CNTLN: variants seen among roughly 807,000 people sequenced by gnomAD.
The protein encoded by CNTLN is centlein, also known as centlein, centrosomal protein.
A neutral mutation model predicts 180.0 loss-of-function variants in CNTLN; 212 were observed. The observed-to-expected ratio is 1.18, with a 90% CI of 1.05 to 1.32. CNTLN has a LOEUF of 1.32. Among genes scored for constraint, CNTLN ranks in the 40% most tolerant of loss-of-function variants. The probability of loss-of-function intolerance (pLI) is 0.00; values close to 1 mark genes in which losing one functional copy is unlikely to be tolerated. For missense variants in CNTLN, 2,095 were observed against 1,610.9 expected, an observed-to-expected ratio of 1.30 and a Z score of -5.14; for synonymous variants, 722 against 563.1, an observed-to-expected ratio of 1.28 and a Z score of -3.99.
chr9:17,139,729 C>T (rs761592385), intron 1 of CNTLN, among the ~76,000 whole-genome samples: 17 of 151,916 alleles, frequency 1.1e-4, no homozygotes, highest in Non-Finnish European at 2.2e-4. Flanking sequence ...TTATTTGTGA[C>T]AGTCTCCCTC....
chr9:17,253,761 G>GTTTTTTTTTT (rs60517986), intron 5 of CNTLN, among the ~76,000 whole-genome samples: 1 of 142,688 alleles, frequency 7.0e-6, no homozygotes. Flanking sequence ...CTTTTCTATT[G>GTTTTTTTTTT]TTTTTTTTTT....
intron 5 of CNTLN, among the ~76,000 whole-genome samples, chr9:17,237,068 T>C (rs1825189768): frequency 6.6e-6 from 1 of 152,118 alleles, no homozygotes; most frequent in African/African-American, 2.4e-5. Context: ...TAAAGGGCCT[T>C]ATTTATGGGA....
intron 10 of CNTLN, 43 bp from the exon 11 acceptor site, chr9:17,340,784 C>T (rs750141219): frequency 5.9e-6 from 9 of 1,531,756 alleles, no homozygotes; most frequent in Non-Finnish European, 7.9e-6. Flanking sequence ...TATATTAATA[C>T]TTTCTTCAAA....
rs369802393 is a variant in CNTLN, at chr9:17,394,553, G to A, written c.2099G>A (p.Arg700Gln). Reference sequence around the variant, plus strand: ...CTTTAGGTCACTGAGTTGGAAAATCGGCTGAAATCTTTTGAGAAAAGGTCG... The same window carrying A: ...CTTTAGGTCACTGAGTTGGAAAATCAGCTGAAATCTTTTGAGAAAAGGTCG... ...TLQKVTELEN[R>Q]LKSFEKRSRK... Residue 700 changes from arginine (R) to glutamine (Q), a missense_variant, in exon 15 of 26, where the codon CGG becomes CAG. Coordinates refer to ENST00000380647, the MANE Select transcript of CNTLN (RefSeq NM_017738.4). 23 of 1,577,474 alleles carry A rather than the reference G, an allele frequency of 1.5e-5. No homozygotes were observed. Among genetic ancestry groups the A allele is most frequent in the African/African-American group, 9.7e-5 (7 of 72,516 alleles).
intron 2 of CNTLN, among the ~76,000 whole-genome samples, chr9:17,215,169 C>T (rs1823647429): frequency 6.6e-6 from 1 of 152,090 alleles, no homozygotes; most frequent in African/African-American, 2.4e-5. Flanking sequence ...CTGTTTTTTC[C>T]CCATCTTTGT....
At chr9:17,516,386 AG>A in the CNTLN span, among the ~76,000 whole-genome samples, 1 of 152,228 alleles carries the variant, frequency 6.6e-6, no homozygotes, top group Non-Finnish European at 1.5e-5. Context: ...GATTAACAAG[AG>A]AAAAGCATAA....
At chr9:17,328,409 C>G (rs1460760999) in intron 8 of CNTLN, among the ~76,000 whole-genome samples, 2 of 152,158 alleles carry the variant, frequency 1.3e-5, no homozygotes, top group Non-Finnish European at 2.9e-5. Flanking sequence ...GTAAATCTAG[C>G]AACAGTGGGG....
chr9:17,212,451 G>T (rs931264897), intron 2 of CNTLN, among the ~76,000 whole-genome samples: 1 of 152,172 alleles, frequency 6.6e-6, no homozygotes, highest in African/African-American at 2.4e-5. Flanking sequence ...GCTGGATTTG[G>T]TTTGCCAGTA....
At chr9:17,500,476 C>A (rs963865221) in intron 25 of CNTLN, among the ~76,000 whole-genome samples, 3 of 152,166 alleles carry the variant, frequency 2.0e-5, no homozygotes, top group Non-Finnish European at 4.4e-5. Flanking sequence ...CATTATTACA[C>A]AGGAAATGAT....
Position 17,342,374 on chromosome 9 carries a change from G to C in CNTLN, c.1816G>C (p.Glu606Gln). 1.2e-6 allele frequency: 2 copies of C among 1,612,222 alleles called. No individual in the cohort carries two copies. The highest frequency in any genetic ancestry group is 2.2e-5 in the East Asian group (1 of 44,684). The change falls in exon 12 of 26, where the codon GAA becomes CAA. Residue 606 changes from glutamate to glutamine, a missense_variant. Coordinates refer to ENST00000380647, the MANE Select transcript of CNTLN (RefSeq NM_017738.4). ...KRADPQQLRQ[E>Q]DSDAVWNELA... ...AGCAGATCCCCAACAACTTCGACAA[G>C]AAGATTCTGACGCTGTGTGGAATGA...
rs1825722990 is a variant in CNTLN at position 17,245,119 on chromosome 9, A to G, written c.849+8531A>G. 2.6e-5 allele frequency among the ~76,000 whole-genome samples: 4 copies of G among 152,036 alleles called. No homozygotes were observed. The South Asian group carries it at 8.3e-4, about 32-fold the overall frequency. On this transcript the variant is annotated intron_variant, in intron 5 of 25. Coordinates refer to ENST00000380647, the MANE Select transcript of CNTLN (RefSeq NM_017738.4). ...TATAATACTCTGTATTTGTCTATATACTTATTATTGCCAGTGAGCTTTGTT... is the reference window on the plus strand; with the variant it reads ...TATAATACTCTGTATTTGTCTATATGCTTATTATTGCCAGTGAGCTTTGTT...
chr9:17,522,615 T>C, the CNTLN span, among the ~76,000 whole-genome samples: 35 of 152,144 alleles, frequency 2.3e-4, no homozygotes, highest in East Asian at 5.4e-3. Context: ...ATGCTTGAGA[T>C]TGACACAGAG....
chr9:17,274,482 TA>T, intron 6 of CNTLN, among the ~76,000 whole-genome samples: 1 of 146,192 alleles, frequency 6.8e-6, no homozygotes, highest in Admixed American at 6.9e-5. Context: ...TCTATCTATC[TA>T]TCTATCTATC....
rs201567253 is a variant in CNTLN, at chr9:17,502,556, T to C, written c.4125T>C (p.Pro1375=). 883 of 1,375,182 alleles carry C rather than the reference T, an allele frequency of 6.4e-4. 1 individual carries two copies. The highest frequency in any genetic ancestry group is 6.3e-4 in the Non-Finnish European group (632 of 1,002,962). 85.2% of individuals were successfully genotyped at this position (1,375,182 alleles called of 1,614,324 possible). The change falls in exon 26 of 26, where the codon CCT becomes CCC. Residue 1375 remains proline, a synonymous_variant. Coordinates refer to ENST00000380647, the MANE Select transcript of CNTLN (RefSeq NM_017738.4). The part of the protein sequence containing the change: ...YIQKLLEGQL[P]FASYLLEAVL... ...TTTTTGTGTTTCTTTTACAGCTTCC[T>C]TTTGCCTCATATTTACTAGAAGCAG...
intron 2 of CNTLN, among the ~76,000 whole-genome samples, chr9:17,183,207 A>C (rs1821230791): frequency 6.6e-6 from 1 of 152,172 alleles, no homozygotes; most frequent in Admixed American, 6.5e-5. Flanking sequence ...AGGGGAGATA[A>C]ATTTATAATT....
At chr9:17,269,166 C>T (rs977836799) in intron 5 of CNTLN, among the ~76,000 whole-genome samples, 2 of 152,122 alleles carry the variant, frequency 1.3e-5, no homozygotes, top group East Asian at 1.9e-4. Context: ...TGTTCCTATT[C>T]GGCCATGTTG....
chr9:17,385,973 CT>C (rs1459614869), intron 13 of CNTLN, among the ~76,000 whole-genome samples: 1 of 152,004 alleles, frequency 6.6e-6, no homozygotes, highest in African/African-American at 2.4e-5. Flanking sequence ...TTTTCTTTTC[CT>C]AAAAGTGAAA....
intron 2 of CNTLN, among the ~76,000 whole-genome samples, chr9:17,202,367 G>A (rs1435732279): frequency 1.3e-5 from 2 of 152,134 alleles, no homozygotes; most frequent in Non-Finnish European, 2.9e-5. Flanking sequence ...GTCCAGAGCT[G>A]AGTTCAAGGC....
At chr9:17,342,261 A>G (rs1223232846) in intron 11 of CNTLN, 64 bp from the exon 12 acceptor site, 4 of 1,504,172 alleles carry the variant, frequency 2.7e-6, no homozygotes, top group East Asian at 4.6e-5. Context: ...TAAGGAATGT[A>G]TAAAATAATT....
Sources: gnomAD v4.1 joint callset for allele counts (sites outside exome capture counted in the v4.1 genomes callset) on GRCh38, gnomAD v4.1.1 for gene constraint, MANE v1.5 for transcripts, NCBI Gene and HGNC (gene_info 2026-07-23, HGNC 2026-07-21) for gene names.